Variants in DCT observed in about 807,000 individuals in gnomAD.
DCT encodes the protein dopachrome tautomerase.
A neutral mutation model predicts 53.0 loss-of-function variants in DCT; 47 were observed. The ratio of observed to expected loss-of-function variants is 0.89; its 90% confidence interval spans 0.70 to 1.13. The LOEUF is 1.13. Among genes scored for constraint, DCT ranks in the 50% most tolerant of loss-of-function variants. The probability of loss-of-function intolerance (pLI) is 0.00; values close to 1 mark genes in which losing one functional copy is unlikely to be tolerated. For synonymous variants in DCT, 244 were observed against 237.0 expected (o/e 1.03, Z -0.27); for missense variants, 669 against 637.4 (o/e 1.05, Z -0.53).
At chr13:94,511,362 CT>C in the DCT span, among the ~76,000 whole-genome samples, 11,417 of 83,392 alleles carry the variant, frequency 0.14, 1,003 homozygotes, top group African/African-American at 0.37. Flanking sequence ...CTCTCTCTCT[CT>C]TTTTTTTTTT....
chr13:94,488,758 ACACACACACACG>A, the DCT span, among the ~76,000 whole-genome samples: 6 of 115,634 alleles, frequency 5.2e-5, no homozygotes, highest in Non-Finnish European at 9.7e-5. Flanking sequence ...ACACACACAC[ACACACACACACG>A]CCATATATAT....
upstream of DCT, among the ~76,000 whole-genome samples, chr13:94,483,110 C>T (rs957653047): frequency 1.3e-5 from 2 of 151,422 alleles, no homozygotes; most frequent in African/African-American, 4.9e-5. Flanking sequence ...CCCATCTCTA[C>T]TAAATATACA....
At chr13:94,478,594 G>T (rs1885256868) in intron 1 of DCT, among the ~76,000 whole-genome samples, 1 of 152,218 alleles carries the variant, frequency 6.6e-6, no homozygotes, top group Non-Finnish European at 1.5e-5. Flanking sequence ...TTCAACAAGT[G>T]CAAACCCATT....
At chr13:94,516,262 G>C in the DCT span, among the ~76,000 whole-genome samples, 1 of 152,130 alleles carries the variant, frequency 6.6e-6, no homozygotes, top group Non-Finnish European at 1.5e-5. Flanking sequence ...GGTGGGTAGG[G>C]AGGAAAACTT....
the DCT span, among the ~76,000 whole-genome samples, chr13:94,491,933 C>G: frequency 6.6e-6 from 1 of 152,178 alleles, no homozygotes; most frequent in East Asian, 1.9e-4. Context: ...TAGACCAATA[C>G]TCTCAAGTGA....
chr13:94,461,523 T>C (rs1883786866), intron 5 of DCT, among the ~76,000 whole-genome samples: 1 of 152,176 alleles, frequency 6.6e-6, no homozygotes, highest in Admixed American at 6.5e-5. Context: ...GGAAGATTAA[T>C]AGTTGGTCTT....
chr13:94,542,002 T>C, the DCT span, among the ~76,000 whole-genome samples: 7,930 of 152,184 alleles, frequency 0.052, 669 homozygotes, highest in African/African-American at 0.18. Context: ...CAATACCCAT[T>C]TTCTAGGTAA....
chr13:94,517,077 C>G, the DCT span, among the ~76,000 whole-genome samples: 1 of 152,166 alleles, frequency 6.6e-6, no homozygotes, highest in Admixed American at 6.5e-5. Context: ...AATTTCCCCC[C>G]AAATATGGTC....
At chr13:94,530,547 T>C in the DCT span, among the ~76,000 whole-genome samples, 1 of 152,192 alleles carries the variant, frequency 6.6e-6, no homozygotes, top group Non-Finnish European at 1.5e-5. Context: ...ACCACATGAT[T>C]ATCTCAATAG....
chr13:94,495,320 C>T, the DCT span, among the ~76,000 whole-genome samples: 1 of 152,180 alleles, frequency 6.6e-6, no homozygotes, highest in South Asian at 2.1e-4. Flanking sequence ...TGGTTTCGAA[C>T]TCCTGAGCTC....
chr13:94,445,221 C>A (rs556975948), intron 6 of DCT, among the ~76,000 whole-genome samples: 1 of 152,340 alleles, frequency 6.6e-6, no homozygotes, highest in Admixed American at 6.5e-5. Context: ...TGAAGGTTGG[C>A]TTCATCTGGC....
chr13:94,498,092 A>G, the DCT span, among the ~76,000 whole-genome samples: 1 of 152,054 alleles, frequency 6.6e-6, no homozygotes, highest in East Asian at 1.9e-4. Context: ...CTAAACCTCT[A>G]CTCCCTCAGG....
At chr13:94,460,248 G>A in intron 5 of DCT, 22 bp from the exon 6 acceptor site, 1 of 1,609,642 alleles carries the variant, frequency 6.2e-7, no homozygotes, top group East Asian at 2.2e-5. Flanking sequence ...AAGTATATCA[G>A]TGACAACAGA....
chr13:94,437,900 A>G lies in DCT; in HGVS notation c.*1998T>C, dbSNP rs1882001291. 6.6e-6 allele frequency: 1 copy of G among 152,164 alleles called. No individual in the cohort carries two copies. Among genetic ancestry groups the G allele is most frequent in the Admixed American group, 6.5e-5 (1 of 15,270 alleles). The allele number at this position is 152,164 out of a possible 1,614,324, so 9.4% of individuals were successfully genotyped here. On this transcript the variant is annotated 3_prime_UTR_variant, in exon 8 of 8. Coordinates refer to ENST00000377028, the MANE Select transcript of DCT (RefSeq NM_001922.5). ...CTACAGATAAAAGCAGCTAAGTATA[A>G]TCGATTACTATTTTTTCCTACCTAA...
rs767705767 is a variant in DCT, at chr13:94,445,679, G to A, written c.1180-2042C>T. On this transcript the variant is annotated intron_variant, in intron 6 of 7. Coordinates refer to ENST00000377028, the MANE Select transcript of DCT (RefSeq NM_001922.5). ...TGCAGAAATGGATAAACACAACAAA[G>A]GAAAAAAACCTGAGTAGAGCCTCCC... The A allele has an allele frequency of 1.1e-5, 16 of 1,408,622 alleles. No homozygotes were observed. The East Asian group carries it at 2.9e-4, about 25-fold the overall frequency. 87.3% of individuals were successfully genotyped at this position (1,408,622 alleles called of 1,614,324 possible). A position where few individuals can be genotyped will look rare whatever the true frequency, so the allele number is the denominator to read the frequency against.
chr13:94,506,475 G>A, the DCT span, among the ~76,000 whole-genome samples: 1 of 152,096 alleles, frequency 6.6e-6, no homozygotes, highest in African/African-American at 2.4e-5. Flanking sequence ...TTTAAATAAT[G>A]ATTGTAATAG....
At chr13:94,510,774 C>T in the DCT span, among the ~76,000 whole-genome samples, 1 of 152,170 alleles carries the variant, frequency 6.6e-6, no homozygotes, top group African/African-American at 2.4e-5. Flanking sequence ...TCTTTTTGAG[C>T]TCCAAGCTCA....
rs1252321838 is a variant in DCT at position 94,479,571 on chromosome 13, G to C, written c.-316C>G. 4.0e-6 allele frequency: 1 copy of C among 251,598 alleles called. No homozygotes were observed. The highest frequency in any genetic ancestry group is 2.2e-5 in the African/African-American group (1 of 44,876). The allele number at this position is 251,598 out of a possible 1,614,324, so 15.6% of individuals were successfully genotyped here. On this transcript the variant is annotated 5_prime_UTR_variant, in exon 1 of 8. Transcript: ENST00000377028. ...ATCTTCCCCCGTTAAGTCAGGCTTT[G>C]TCTAATTGAGTTAATTTACAGAGCA...
intron 6 of DCT, among the ~76,000 whole-genome samples, chr13:94,450,021 G>A (rs1441078266): frequency 2.0e-5 from 3 of 152,152 alleles, no homozygotes; most frequent in Non-Finnish European, 2.9e-5. Context: ...ATGGTAATAG[G>A]AAATGGGGCC....
Sources: allele counts gnomAD v4.1 joint callset (sites outside exome capture counted in the v4.1 genomes callset), GRCh38; gene constraint gnomAD v4.1.1; transcripts MANE v1.5; gene names NCBI Gene and HGNC (gene_info 2026-07-23, HGNC 2026-07-21).